RAB38: variants seen among roughly 807,000 people sequenced by gnomAD.
RAB38 encodes the protein RAB38, member RAS oncogene family, also known as ras-related protein Rab-38.
RAB38 carries 15 observed loss-of-function variants against 18.4 expected under a neutral mutation model. The observed-to-expected ratio is 0.82, with a 90% confidence interval of 0.55 to 1.26. RAB38 has a LOEUF of 1.26. Ranked by LOEUF, RAB38 falls within the 50% of genes most tolerant of loss-of-function variation. The pLI, the probability that RAB38 is intolerant of heterozygous loss-of-function variation, is 0.00. For synonymous variants in RAB38, 101 were observed against 104.4 expected (o/e 0.97, Z 0.20); for missense variants, 294 against 267.4 (o/e 1.10, Z -0.69).
chr11:87,890,199 G>GA, the RAB38 span, among the ~76,000 whole-genome samples: 1 of 151,776 alleles, frequency 6.6e-6, no homozygotes, highest in African/African-American at 2.4e-5. Flanking sequence ...TTTAAGGCGG[G>GA]AAAACAATTC....
At chr11:87,831,625 A>G in the RAB38 span, among the ~76,000 whole-genome samples, 1 of 152,206 alleles carries the variant, frequency 6.6e-6, no homozygotes, top group African/African-American at 2.4e-5. Flanking sequence ...CAATGAGTAC[A>G]TGCTGAGAAA....
the RAB38 span, among the ~76,000 whole-genome samples, chr11:87,920,357 G>C: frequency 6.6e-6 from 1 of 151,654 alleles, no homozygotes; most frequent in Non-Finnish European, 1.5e-5. Context: ...TTCTGCTCAA[G>C]ATTAAAAAAA....
At chr11:88,037,898 C>T in the RAB38 span, among the ~76,000 whole-genome samples, 1 of 151,836 alleles carries the variant, frequency 6.6e-6, no homozygotes, top group East Asian at 1.9e-4. Context: ...TGTTTGCCTT[C>T]TTATTAATGT....
chr11:88,009,999 G>A, the RAB38 span, among the ~76,000 whole-genome samples: 8 of 152,114 alleles, frequency 5.3e-5, no homozygotes, highest in African/African-American at 1.9e-4. Flanking sequence ...TATACAGACA[G>A]CCTGAAGGTA....
chr11:87,834,136 A>G, the RAB38 span, among the ~76,000 whole-genome samples: 2 of 152,156 alleles, frequency 1.3e-5, no homozygotes, highest in Non-Finnish European at 2.9e-5. Context: ...AGCATATGGA[A>G]AGTCGTGGTC....
At chr11:87,900,172 A>C in the RAB38 span, among the ~76,000 whole-genome samples, 104 of 151,778 alleles carry the variant, frequency 6.9e-4, no homozygotes, top group Non-Finnish European at 2.1e-4. Context: ...AATATGAAGG[A>C]GGGGTTTACA....
chr11:88,017,348 A>G, the RAB38 span, among the ~76,000 whole-genome samples: 1 of 123,288 alleles, frequency 8.1e-6, no homozygotes, highest in Admixed American at 9.2e-5. Context: ...TAAAGGATAT[A>G]TAATATATAG....
At chr11:87,852,896 G>C in the RAB38 span, among the ~76,000 whole-genome samples, 38,916 of 151,802 alleles carry the variant, frequency 0.26, 6,457 homozygotes, top group African/African-American at 0.47. Context: ...CTTTTCTTTT[G>C]TCTAAAATCT....
At chr11:87,894,874 C>G in the RAB38 span, among the ~76,000 whole-genome samples, 1 of 151,260 alleles carries the variant, frequency 6.6e-6, no homozygotes, top group Admixed American at 6.6e-5. Flanking sequence ...TGTGGGGGAA[C>G]TAGAACTACA....
the RAB38 span, among the ~76,000 whole-genome samples, chr11:87,929,967 T>A: frequency 6.6e-6 from 1 of 152,160 alleles, no homozygotes; most frequent in Non-Finnish European, 1.5e-5. Flanking sequence ...TCTATCATTG[T>A]TGGACATTTG....
At chr11:87,967,300 A>T in the RAB38 span, among the ~76,000 whole-genome samples, 5 of 152,198 alleles carry the variant, frequency 3.3e-5, no homozygotes, top group Non-Finnish European at 7.3e-5. Flanking sequence ...ATGCTGAGCA[A>T]AACAGCTGAA....
chr11:88,118,521 A>G (rs1207502669), intron 2 of RAB38, among the ~76,000 whole-genome samples: 1 of 152,234 alleles, frequency 6.6e-6, no homozygotes, highest in Non-Finnish European at 1.5e-5. Flanking sequence ...ATTGTATAGA[A>G]ACAGAGTTGC....
At chr11:88,005,860 C>T in the RAB38 span, among the ~76,000 whole-genome samples, 1 of 151,486 alleles carries the variant, frequency 6.6e-6, no homozygotes. Flanking sequence ...GGAAACTGTC[C>T]TTTCCCCATT....
At chr11:87,910,233 T>C in the RAB38 span, among the ~76,000 whole-genome samples, 1 of 152,132 alleles carries the variant, frequency 6.6e-6, no homozygotes, top group Non-Finnish European at 1.5e-5. Context: ...TGAGCAAGTT[T>C]TCATATGATG....
At chr11:87,977,487 T>TAG in the RAB38 span, among the ~76,000 whole-genome samples, 9 of 46,756 alleles carry the variant, frequency 1.9e-4, no homozygotes, top group East Asian at 1.4e-3. Flanking sequence ...TATAATTATA[T>TAG]ATAATATAAT....
At chr11:87,926,249 C>T in the RAB38 span, among the ~76,000 whole-genome samples, 1 of 151,970 alleles carries the variant, frequency 6.6e-6, no homozygotes, top group African/African-American at 2.4e-5. Flanking sequence ...CACATCTCTG[C>T]TTCAAAAGCT....
intron 2 of RAB38, among the ~76,000 whole-genome samples, chr11:88,122,330 G>C (rs934845684): frequency 1.1e-4 from 16 of 152,144 alleles, no homozygotes; most frequent in Admixed American, 1.3e-4. Flanking sequence ...CTCACTGTGA[G>C]TCTTTTACTG....
At chr11:87,864,808 T>G in the RAB38 span, among the ~76,000 whole-genome samples, 2 of 151,724 alleles carry the variant, frequency 1.3e-5, no homozygotes, top group East Asian at 1.9e-4. Flanking sequence ...TATTGTTAGA[T>G]GGTGGTAAGA....
At chr11:87,976,929 TTATACAAGTATATTATAAAATATAATTAC>T in the RAB38 span, among the ~76,000 whole-genome samples, 4 of 14,898 alleles carry the variant, frequency 2.7e-4, 2 homozygotes, top group African/African-American at 1.1e-3. Flanking sequence ...TATAATTACA[TTATACAAGTATATTATAAAATATAATTAC>T]ATTATACAAG....
Sources: gnomAD v4.1 joint callset for allele counts (sites outside exome capture counted in the v4.1 genomes callset) on GRCh38, gnomAD v4.1.1 for gene constraint, MANE v1.5 for transcripts, NCBI Gene and HGNC (gene_info 2026-07-23, HGNC 2026-07-21) for gene names.